The following SDK1 variants were observed in gnomAD, a reference collection of about 807,000 sequenced individuals.
SDK1 encodes the protein protein sidekick-1.
Under a neutral mutation model 245.5 loss-of-function variants are expected in SDK1, and 157 were observed. The ratio of observed to expected loss-of-function variants is 0.64; its 90% CI spans 0.56 to 0.73. SDK1 has a LOEUF of 0.73. SDK1 is among the 30% of genes least tolerant of loss of function. SDK1 has a pLI of 0.00. For synonymous variants in SDK1, 1,647 were observed against 1,278.5 expected (o/e 1.29, Z -6.15); for missense variants, 3,583 against 3,002.3 (o/e 1.19, Z -4.52).
At chr7:4,095,211 TC>T (rs1782069361) in intron 22 of SDK1, among the ~76,000 whole-genome samples, 1 of 112,520 alleles carries the variant, frequency 8.9e-6, no homozygotes, top group Non-Finnish European at 1.8e-5. Flanking sequence ...CTTCCTCAGC[TC>T]CCCCACATCT....
At chr7:3,524,007 G>T (rs1783032681) in intron 1 of SDK1, among the ~76,000 whole-genome samples, 1 of 152,180 alleles carries the variant, frequency 6.6e-6, no homozygotes, top group Admixed American at 6.5e-5. Flanking sequence ...GGAGTTAGAA[G>T]CCTGTGGTGC....
At chr7:3,523,715 G>T (rs566652045) in intron 1 of SDK1, among the ~76,000 whole-genome samples, 2 of 152,236 alleles carry the variant, frequency 1.3e-5, no homozygotes, top group African/African-American at 4.8e-5. Context: ...AGAAAAACTT[G>T]TAACTGTCAG....
chr7:4,225,591 G>C lies in SDK1; in HGVS notation c.5827+4227G>C, dbSNP rs147978132. On this transcript the variant is annotated intron_variant, in intron 40 of 44. Transcript: ENST00000404826. The stretch of plus-strand genomic sequence containing the variant: ...TGCTGCTCCGCCGGCTGCACGAAGG[G>C]AACAGGACGCCTGTTGGTTACTGGT... Among the ~76,000 whole-genome samples the C allele has an allele frequency of 2.3e-3, 357 of 152,344 alleles. 2 individuals are homozygous for C. Among genetic ancestry groups the C allele is most frequent in the Non-Finnish European group, 4.4e-4 (30 of 68,032 alleles).
chr7:3,950,342 C>T (rs529743194), intron 5 of SDK1, among the ~76,000 whole-genome samples: 1 of 152,320 alleles, frequency 6.6e-6, no homozygotes, highest in Admixed American at 6.5e-5. Context: ...CAATAGTCTT[C>T]ATTTGTCATG....
At position 3,679,733 on chromosome 7, in the gene SDK1, A is replaced by G. The variant is rs115909939; in HGVS notation, c.713+37628A>G. 2.4e-3 allele frequency among the ~76,000 whole-genome samples: 371 copies of G among 152,344 alleles called. 4 individuals carry two copies. Among genetic ancestry groups the G allele is most frequent in the African/African-American group, 8.7e-3 (361 of 41,580 alleles). ...CTTCCTACCTATCAGAATAGCTAAA[A>G]TAAAGAGACAGTAACAACATCAAAT... On this transcript the variant is annotated intron_variant, in intron 4 of 44. Transcript: ENST00000404826.
At chr7:3,824,731 C>T (rs1779729630) in intron 5 of SDK1, among the ~76,000 whole-genome samples, 1 of 152,190 alleles carries the variant, frequency 6.6e-6, no homozygotes, top group Non-Finnish European at 1.5e-5. Flanking sequence ...ACTGTGGCTA[C>T]ACCTGAAGCT....
intron 4 of SDK1, among the ~76,000 whole-genome samples, chr7:3,732,050 A>G (rs889451794): frequency 2.6e-5 from 4 of 152,222 alleles, no homozygotes; most frequent in Non-Finnish European, 5.9e-5. Context: ...TCAGCCTCCC[A>G]GAGTGCTGGG....
At chr7:3,645,648 A>G (rs1782811344) in intron 4 of SDK1, among the ~76,000 whole-genome samples, 1 of 152,282 alleles carries the variant, frequency 6.6e-6, no homozygotes, top group African/African-American at 2.4e-5. Context: ...CGAAAACCCA[A>G]TATATTGCTT....
chr7:4,129,298 C>T (rs148359108), intron 26 of SDK1, among the ~76,000 whole-genome samples: 31,763 of 84,150 alleles, frequency 0.38, 3,765 homozygotes, highest in East Asian at 0.52. Flanking sequence ...TAGAGCAGCT[C>T]GGGGTGGGGT....
rs201995394 is a variant in SDK1, at chr7:4,194,458, A to G, written c.5099-11421A>G. Among the ~76,000 whole-genome samples the G allele has an allele frequency of 3.4e-3, 209 of 62,152 alleles. 14 individuals carry two copies. The highest frequency in any genetic ancestry group is 0.013 in the African/African-American group (174 of 12,940). 40.8% of individuals were successfully genotyped at this position (62,152 alleles called of 152,430 possible). A position where few individuals can be genotyped will look rare whatever the true frequency, so the allele number is the denominator to read the frequency against. On this transcript the variant is annotated intron_variant, in intron 35 of 44. Transcript: ENST00000404826. ...TATACATATATGTATACATGTATAT[A>G]TGTGTGTGTGTATATATATACTCCC...
At chr7:4,218,280 C>T (rs1784946730) in intron 38 of SDK1, among the ~76,000 whole-genome samples, 1 of 152,126 alleles carries the variant, frequency 6.6e-6, no homozygotes, top group Admixed American at 6.5e-5. Context: ...GTAATCCCAG[C>T]TACTCATGAG....
At chr7:3,682,846 C>G (rs1008567170) in intron 4 of SDK1, among the ~76,000 whole-genome samples, 2 of 151,960 alleles carry the variant, frequency 1.3e-5, no homozygotes, top group Non-Finnish European at 2.9e-5. Context: ...TCAAGTGATT[C>G]TCCTGCCTCA....
chr7:4,182,613 C>G (rs1053702639), intron 35 of SDK1, among the ~76,000 whole-genome samples: 1 of 152,204 alleles, frequency 6.6e-6, no homozygotes, highest in Non-Finnish European at 1.5e-5. Flanking sequence ...AGCTCCTCAT[C>G]CTGAGGGAGA....
intron 1 of SDK1, among the ~76,000 whole-genome samples, chr7:3,401,411 G>C (rs1343599131): frequency 6.6e-6 from 1 of 152,176 alleles, no homozygotes; most frequent in African/African-American, 2.4e-5. Flanking sequence ...TCACCACTGG[G>C]TAATATATTT....
chr7:4,235,053 G>T (rs1786066345), intron 41 of SDK1, among the ~76,000 whole-genome samples: 1 of 152,174 alleles, frequency 6.6e-6, no homozygotes, highest in Non-Finnish European at 1.5e-5. Flanking sequence ...ACGACCCTGT[G>T]CTCGTCTGTG....
chr7:3,542,726 G>C (rs1779092104), intron 1 of SDK1, among the ~76,000 whole-genome samples: 1 of 152,134 alleles, frequency 6.6e-6, no homozygotes. Context: ...TAGAAACTGT[G>C]TGTTAGGTTT....
At chr7:4,074,899 T>G in intron 20 of SDK1, among the ~76,000 whole-genome samples, 1 of 80,834 alleles carries the variant, frequency 1.2e-5, no homozygotes, top group African/African-American at 8.6e-5. Flanking sequence ...TATATATATA[T>G]ATATATATAT....
chr7:3,427,575 T>G (rs1235478881), intron 1 of SDK1, among the ~76,000 whole-genome samples: 1 of 148,926 alleles, frequency 6.7e-6, no homozygotes, highest in Non-Finnish European at 1.5e-5. Flanking sequence ...TTATCAGGAG[T>G]AGTTTGAACA....
intron 19 of SDK1, among the ~76,000 whole-genome samples, chr7:4,063,756 A>G (rs1377480558): frequency 1.3e-5 from 2 of 152,150 alleles, no homozygotes; most frequent in South Asian, 2.1e-4. Flanking sequence ...ATGGCATGGT[A>G]TTGGCGTTAA....
Sources: allele counts gnomAD v4.1 joint callset (sites outside exome capture counted in the v4.1 genomes callset), GRCh38; gene constraint gnomAD v4.1.1; transcripts MANE v1.5; gene names NCBI Gene and HGNC (gene_info 2026-07-23, HGNC 2026-07-21).